Variants in MBOAT2 observed in about 807,000 individuals in gnomAD.
MBOAT2 encodes membrane bound glycerophospholipid O-acyltransferase 2.
MBOAT2 carries 28 observed loss-of-function variants against 63.4 expected under a neutral mutation model. The observed-to-expected ratio is 0.44, with a 90% CI of 0.33 to 0.61. The LOEUF is 0.61. Among genes scored for constraint, MBOAT2 ranks in the 20% least tolerant of loss-of-function variants. The probability of loss-of-function intolerance (pLI) is 0.03; values close to 1 mark genes in which losing one functional copy is unlikely to be tolerated. For missense variants in MBOAT2, 470 were observed against 605.8 expected (o/e 0.78, Z 2.35); for synonymous variants, 211 against 215.6 (o/e 0.98, Z 0.19).
chr2:8,892,280 G>A (rs192619825), intron 4 of MBOAT2, among the ~76,000 whole-genome samples: 142 of 152,150 alleles, frequency 9.3e-4, no homozygotes, highest in Non-Finnish European at 1.7e-3. Context: ...ACCCAGCAAC[G>A]GAGGCAAACT....
chr2:8,945,446 T>C (rs1668347991), intron 2 of MBOAT2, among the ~76,000 whole-genome samples: 1 of 152,204 alleles, frequency 6.6e-6, no homozygotes, highest in Non-Finnish European at 1.5e-5. Flanking sequence ...GATGGGGTTA[T>C]CTAGCACGTA....
chr2:8,926,246 A>T (rs1322258449), intron 3 of MBOAT2, among the ~76,000 whole-genome samples: 1 of 152,176 alleles, frequency 6.6e-6, no homozygotes, highest in Non-Finnish European at 1.5e-5. Flanking sequence ...CCCCTACCTC[A>T]GCCTTCTACA....
intron 5 of MBOAT2, 82 bp from the exon 6 acceptor site, chr2:8,882,647 C>A (rs1214093843): frequency 2.4e-6 from 3 of 1,235,596 alleles, no homozygotes; most frequent in South Asian, 1.2e-5. Flanking sequence ...TCATTACTTT[C>A]CTCATTTGAA....
intron 7 of MBOAT2, among the ~76,000 whole-genome samples, chr2:8,876,042 ACACACCAGCCCCTTTCCTTCATCT>A (rs1662675460): frequency 6.6e-6 from 1 of 152,150 alleles, no homozygotes; most frequent in Non-Finnish European, 1.5e-5. Flanking sequence ...TTCACAGAAA[ACACACCAGCCCCTTTCCTTCATCT>A]CACAGACTTC....
chr2:8,962,034 ACT>A (rs1002574435), intron 1 of MBOAT2, among the ~76,000 whole-genome samples: 15 of 152,270 alleles, frequency 9.9e-5, no homozygotes, highest in African/African-American at 3.6e-4. Context: ...TCCCCAGAGC[ACT>A]GTCTCATAGA....
At chr2:8,938,775 C>T (rs1046136144) in intron 3 of MBOAT2, among the ~76,000 whole-genome samples, 3 of 152,192 alleles carry the variant, frequency 2.0e-5, no homozygotes, top group South Asian at 4.1e-4. Context: ...TTCATGCCAC[C>T]GTGTTTCATG....
intron 3 of MBOAT2, among the ~76,000 whole-genome samples, chr2:8,934,238 T>C (rs1667509667): frequency 6.6e-6 from 1 of 152,212 alleles, no homozygotes; most frequent in African/African-American, 2.4e-5. Context: ...TGATGAACAA[T>C]CACCAACACC....
intron 3 of MBOAT2, among the ~76,000 whole-genome samples, chr2:8,930,238 G>A (rs1208660963): frequency 2.0e-5 from 3 of 152,300 alleles, no homozygotes; most frequent in South Asian, 2.1e-4. Context: ...CCTGCTGCAC[G>A]TACTTCCCAC....
At chr2:8,864,044 G>A (rs1200126827) in intron 10 of MBOAT2, 126 bp downstream of exon 10, 24 of 626,304 alleles carry the variant, frequency 3.8e-5, no homozygotes, top group Non-Finnish European at 4.0e-5. Flanking sequence ...AGTGTTTCCC[G>A]GCTGACACTG....
At chr2:8,929,975 G>A (rs1282718941) in intron 3 of MBOAT2, among the ~76,000 whole-genome samples, 1 of 152,102 alleles carries the variant, frequency 6.6e-6, no homozygotes, top group Non-Finnish European at 1.5e-5. Context: ...AAGCTTCCCT[G>A]TGTCCTCTCT....
chr2:8,901,193 C>T (rs554510785), intron 4 of MBOAT2, among the ~76,000 whole-genome samples: 5 of 150,992 alleles, frequency 3.3e-5, no homozygotes, highest in South Asian at 2.1e-4. Context: ...TTGCGCTCAC[C>T]GATGCAGCAG....
chr2:8,995,590 A>ATTTTT (rs34038834), intron 1 of MBOAT2, among the ~76,000 whole-genome samples: 2 of 134,408 alleles, frequency 1.5e-5, no homozygotes, highest in East Asian at 2.1e-4. Context: ...AATACATTCC[A>ATTTTT]TTTTTTTTTT....
At chr2:8,872,608 T>C (rs1286686364) in intron 8 of MBOAT2, among the ~76,000 whole-genome samples, 2 of 152,226 alleles carry the variant, frequency 1.3e-5, no homozygotes, top group African/African-American at 4.8e-5. Flanking sequence ...CACGATTGCA[T>C]GTTATCTTTT....
Position 9,003,384 on chromosome 2 carries a change from G to A in MBOAT2, c.75+156C>T, listed in dbSNP as rs938089966. Among the ~76,000 whole-genome samples, 3 of 151,790 alleles carry A rather than the reference G, an allele frequency of 2.0e-5. No individual in the cohort carries two copies. The highest frequency in any genetic ancestry group is 2.1e-4 in the South Asian group (1 of 4,814). On this transcript the variant is annotated intron_variant, in intron 1 of 12. Transcript: ENST00000305997. This position sits in a 1 kb window ranked among gnomAD's most constrained non-coding sequence, Gnocchi z 5.4. ...GGAGGGGGCTCTGGGACAATAACCG[G>A]CTTGTTGCCCCCTCCCTTCCAGGGA...
At chr2:8,908,838 T>C (rs1665513250) in intron 3 of MBOAT2, 122 bp from the exon 4 acceptor site, 2 of 578,100 alleles carry the variant, frequency 3.5e-6, no homozygotes, top group African/African-American at 3.8e-5. Context: ...AGATCTACTC[T>C]ACAAACACCC....
intron 3 of MBOAT2, among the ~76,000 whole-genome samples, chr2:8,913,043 CT>C (rs1186714244): frequency 1.3e-5 from 2 of 152,246 alleles, no homozygotes; most frequent in East Asian, 3.9e-4. Context: ...AACCCAAATA[CT>C]TACAGCCAAC....
At chr2:8,904,559 C>A (rs1458471003) in intron 4 of MBOAT2, among the ~76,000 whole-genome samples, 1 of 152,168 alleles carries the variant, frequency 6.6e-6, no homozygotes, top group Non-Finnish European at 1.5e-5. Flanking sequence ...GATCCTCCCA[C>A]CTTGGCCTCC....
At chr2:8,998,227 TC>T (rs1672443223) in intron 1 of MBOAT2, among the ~76,000 whole-genome samples, 1 of 152,210 alleles carries the variant, frequency 6.6e-6, no homozygotes, top group African/African-American at 2.4e-5. Flanking sequence ...CCATATGCCT[TC>T]CTGATGAAAA....
rs1359942083 is a variant in MBOAT2 at position 8,862,332 on chromosome 2, C to A, written c.1185+258G>T. 2 of 1,405,108 alleles carry A rather than the reference C, an allele frequency of 1.4e-6. No individual in the cohort carries two copies. The highest frequency in any genetic ancestry group is 1.9e-6 in the Non-Finnish European group (2 of 1,064,450). 87.0% of individuals were successfully genotyped at this position (1,405,108 alleles called of 1,614,324 possible). A position where few individuals can be genotyped will look rare whatever the true frequency, so the allele number is the denominator to read the frequency against. The stretch of plus-strand genomic sequence containing the variant: ...TCTCCTTCAGAAAATTCTGTAAAGA[C>A]AAAGTAACATTTTGTGAGTGCCTCC... On this transcript the variant is annotated intron_variant, in intron 11 of 12. Transcript: ENST00000305997. The surrounding 1 kb of genome is among the most constrained non-coding windows in gnomAD (Gnocchi z 4.3).
Sources: gnomAD v4.1 joint callset for allele counts (sites outside exome capture counted in the v4.1 genomes callset) on GRCh38, gnomAD v4.1.1 for gene constraint, Gnocchi (gnomAD v3.1) non-coding constraint, MANE v1.5 for transcripts, NCBI Gene and HGNC (gene_info 2026-07-23, HGNC 2026-07-21) for gene names.